The following CENPC variants were observed in gnomAD, a reference collection of about 807,000 sequenced individuals.
CENPC encodes the protein centromere protein C.
CENPC carries 63 observed loss-of-function variants against 112.1 expected under a neutral mutation model. That is an observed-to-expected ratio of 0.56 (90% CI 0.46 to 0.69). The LOEUF (loss-of-function observed/expected upper bound fraction) is 0.69, where lower values mean the gene tolerates loss of function less well. Ranked by LOEUF, CENPC falls within the 30% of genes least tolerant of loss-of-function variation. CENPC has a pLI of 0.00. For missense variants in CENPC, 1,000 were observed against 1,103.8 expected (o/e 0.91, Z 1.33); for synonymous variants, 333 against 367.6 (o/e 0.91, Z 1.08).
intron 12 of CENPC, among the ~76,000 whole-genome samples, chr4:67,497,593 T>C (rs978934353): frequency 2.0e-5 from 3 of 152,098 alleles, no homozygotes; most frequent in African/African-American, 7.2e-5. Context: ...AGTGCAGTGG[T>C]GGGATCAAGA....
At chr4:67,514,977 G>T (rs978249356) in intron 7 of CENPC, among the ~76,000 whole-genome samples, 17 of 118,520 alleles carry the variant, frequency 1.4e-4, no homozygotes, top group African/African-American at 5.6e-4. Flanking sequence ...AGCCCAGAGA[G>T]ATATAATTAT....
chr4:67,500,777 G>A (rs902560024), intron 12 of CENPC, among the ~76,000 whole-genome samples: 4 of 152,100 alleles, frequency 2.6e-5, no homozygotes, highest in Admixed American at 1.3e-4. Context: ...TAATTAATGC[G>A]GAAGGAATTA....
Position 67,514,083 on chromosome 4 carries a change from G to C in CENPC, c.1435C>G (p.Pro479Ala), listed in dbSNP as rs1371241470. The change falls in exon 8 of 19, where the codon CCA (proline) becomes GCA (alanine). Residue 479 changes from proline to alanine, a missense_variant. By Grantham distance (27) the Pro-to-Ala change is conservative. Transcript: ENST00000273853. ...TAATATAAACACTTACCCACAGGTG[G>C]CATCTGTTTTTTGGAAACACAATCA... ...GNDCVSKKQMPPVGSKKSSTR... is the reference protein window; with the variant it reads ...GNDCVSKKQMAPVGSKKSSTR... 1 of 1,591,140 alleles carries C rather than the reference G, an allele frequency of 6.3e-7. No homozygotes were observed. Among genetic ancestry groups the C allele is most frequent in the Non-Finnish European group, 8.5e-7 (1 of 1,172,062 alleles).
At chr4:67,495,273 T>C (rs1410514132) in intron 12 of CENPC, 61 bp from the exon 13 acceptor site, 1 of 1,398,694 alleles carries the variant, frequency 7.1e-7, no homozygotes, top group Non-Finnish European at 9.6e-7. Flanking sequence ...TAAATTAAAA[T>C]GTGTTTCCTG....
At chr4:67,513,328 C>T (rs1577991960) in intron 8 of CENPC, among the ~76,000 whole-genome samples, 1 of 152,044 alleles carries the variant, frequency 6.6e-6, no homozygotes, top group Non-Finnish European at 1.5e-5. Flanking sequence ...TGTCATATGA[C>T]AGCAATAGAA....
At chr4:67,506,993 G>C in intron 10 of CENPC, 59 bp from the exon 11 acceptor site, 1 of 1,278,628 alleles carries the variant, frequency 7.8e-7, no homozygotes, top group Non-Finnish European at 1.1e-6. Context: ...TTTTCTTCCA[G>C]AAACGATACA....
intron 17 of CENPC, among the ~76,000 whole-genome samples, chr4:67,482,663 G>C (rs945992847): frequency 2.0e-5 from 3 of 152,136 alleles, no homozygotes; most frequent in Non-Finnish European, 4.4e-5. Flanking sequence ...ACCAAACATT[G>C]TATGTTCTCA....
At chr4:67,507,729 C>G (rs769281503) in intron 10 of CENPC, among the ~76,000 whole-genome samples, 2 of 152,018 alleles carry the variant, frequency 1.3e-5, no homozygotes, top group Non-Finnish European at 2.9e-5. Context: ...ATAATACTTC[C>G]CAACTCATTG....
intron 18 of CENPC, among the ~76,000 whole-genome samples, chr4:67,474,287 G>A (rs1724746697): frequency 6.6e-6 from 1 of 152,040 alleles, no homozygotes; most frequent in Non-Finnish European, 1.5e-5. Context: ...GGATGGTCTC[G>A]ATCTCCTGTC....
chr4:67,497,849 T>C (rs1725483806), intron 12 of CENPC, among the ~76,000 whole-genome samples: 1 of 150,452 alleles, frequency 6.6e-6, no homozygotes. Flanking sequence ...GTCTATACTA[T>C]ACTATAGTCT....
intron 1 of CENPC, 89 bp from the exon 2 acceptor site, chr4:67,544,284 T>C: frequency 1.4e-6 from 1 of 719,246 alleles, no homozygotes; most frequent in Non-Finnish European, 2.5e-6. Flanking sequence ...AGTATGGGCA[T>C]GCTATACACC....
At chr4:67,489,033 C>T (rs772948819) in intron 17 of CENPC, among the ~76,000 whole-genome samples, 21 of 151,918 alleles carry the variant, frequency 1.4e-4, no homozygotes, top group Non-Finnish European at 2.9e-4. Context: ...ATTTCAGACT[C>T]CTGAAATGTC....
chr4:67,509,351 G>A (rs887222337), intron 9 of CENPC, among the ~76,000 whole-genome samples: 1 of 151,608 alleles, frequency 6.6e-6, no homozygotes, highest in Non-Finnish European at 1.5e-5. Context: ...TCTGTCACAG[G>A]CTTCAAGAAA....
intron 17 of CENPC, among the ~76,000 whole-genome samples, chr4:67,477,116 C>T (rs754829707): frequency 2.0e-5 from 3 of 152,146 alleles, no homozygotes; most frequent in Non-Finnish European, 4.4e-5. Context: ...AGCTATAAGG[C>T]CCCACCCATC....
chr4:67,504,432 T>G (rs1725679525), intron 12 of CENPC, among the ~76,000 whole-genome samples: 1 of 151,918 alleles, frequency 6.6e-6, no homozygotes, highest in South Asian at 2.1e-4. Flanking sequence ...GAAAAAAAAG[T>G]ATAACAGATT....
At chr4:67,532,662 T>C (rs968052155) in intron 4 of CENPC, among the ~76,000 whole-genome samples, 4 of 150,718 alleles carry the variant, frequency 2.7e-5, no homozygotes, top group African/African-American at 9.8e-5. Flanking sequence ...AAACCAAACA[T>C]CGCATGTTCT....
chr4:67,545,502 C>T lies in CENPC; in HGVS notation c.-147G>A. The T allele has an allele frequency of 2.7e-6, 2 of 738,526 alleles. No individual in the cohort carries two copies. The highest frequency in any genetic ancestry group is 3.4e-5 in the East Asian group (1 of 29,604). 45.7% of individuals were successfully genotyped at this position (738,526 alleles called of 1,614,324 possible). A position where few individuals can be genotyped will look rare whatever the true frequency, so the allele number is the denominator to read the frequency against. ...AAGTCTCAGGCGACTGCCGCGAGAG[C>T]TGCGATCCGGAAGGCGCGCGCTAAC... On this transcript the variant is annotated 5_prime_UTR_variant, in exon 1 of 19. Coordinates refer to ENST00000273853, the MANE Select transcript of CENPC (RefSeq NM_001812.4).
At chr4:67,490,839 T>TAA (rs1188074152) in intron 16 of CENPC, among the ~76,000 whole-genome samples, 3 of 3,712 alleles carry the variant, frequency 8.1e-4, no homozygotes, top group African/African-American at 1.2e-3. Context: ...TAGAAATAAA[T>TAA]ATATATATAT....
chr4:67,537,314 T>C (rs932909788), intron 4 of CENPC, among the ~76,000 whole-genome samples: 1 of 152,184 alleles, frequency 6.6e-6, no homozygotes, highest in Non-Finnish European at 1.5e-5. Flanking sequence ...AAAAATTCAA[T>C]GAAATATACA....
Sources: gnomAD v4.1 joint callset for allele counts (sites outside exome capture counted in the v4.1 genomes callset) on GRCh38, gnomAD v4.1.1 for gene constraint, MANE v1.5 for transcripts, NCBI Gene and HGNC (gene_info 2026-07-23, HGNC 2026-07-21) for gene names.